Variants in PIAS1 observed in about 807,000 individuals in gnomAD.
PIAS1 encodes protein inhibitor of activated STAT 1.
PIAS1 carries 6 observed loss-of-function variants against 71.3 expected under a neutral mutation model. The observed-to-expected ratio is 0.08, with a 90% CI of 0.05 to 0.17. PIAS1 has a LOEUF of 0.17. PIAS1 is among the 10% of genes least tolerant of loss of function. The probability of loss-of-function intolerance (pLI) is 1.00; values close to 1 mark genes in which losing one functional copy is unlikely to be tolerated. For missense variants in PIAS1, 555 were observed against 793.6 expected (o/e 0.70, Z 3.61); for synonymous variants, 303 against 292.9 (o/e 1.03, Z -0.35).
At chr15:68,183,879 A>G (rs1004701496) in intron 13 of PIAS1, among the ~76,000 whole-genome samples, 2 of 152,166 alleles carry the variant, frequency 1.3e-5, no homozygotes, top group Non-Finnish European at 2.9e-5. Flanking sequence ...GAACAAACCT[A>G]TGCTGTCAGT....
chr15:68,063,602 GTA>G (rs2091984420), intron 1 of PIAS1, among the ~76,000 whole-genome samples: 1 of 152,172 alleles, frequency 6.6e-6, no homozygotes, highest in East Asian at 1.9e-4. Context: ...ACATATGTGT[GTA>G]TATTTATTTA....
chr15:68,077,266 T>C (rs2092176847), intron 1 of PIAS1, among the ~76,000 whole-genome samples: 1 of 152,156 alleles, frequency 6.6e-6, no homozygotes. Context: ...AAAAATACCA[T>C]GTTCATATTA....
intron 1 of PIAS1, among the ~76,000 whole-genome samples, chr15:68,084,065 T>C (rs1255277169): frequency 6.6e-6 from 1 of 152,134 alleles, no homozygotes; most frequent in Non-Finnish European, 1.5e-5. Context: ...ATGAGAAATG[T>C]CAACATATTC....
At chr15:68,092,150 A>G (rs902058059) in intron 2 of PIAS1, among the ~76,000 whole-genome samples, 7 of 152,030 alleles carry the variant, frequency 4.6e-5, no homozygotes, top group Admixed American at 4.6e-4. Context: ...AGGCATAATA[A>G]TTATTGACTA....
chr15:68,151,939 A>ATTTTTT (rs1201017658), intron 6 of PIAS1, among the ~76,000 whole-genome samples: 1,347 of 68,146 alleles, frequency 0.02, 113 homozygotes, highest in Middle Eastern at 0.058. Flanking sequence ...AAATTTAGGA[A>ATTTTTT]TTTTTTTTTT....
At chr15:68,093,942 G>A (rs932992888) in intron 2 of PIAS1, among the ~76,000 whole-genome samples, 1 of 152,066 alleles carries the variant, frequency 6.6e-6, no homozygotes, top group African/African-American at 2.4e-5. Flanking sequence ...GTGTTTGGAC[G>A]CTACAGACTG....
rs544974413 is a variant in PIAS1 at position 68,189,273 on chromosome 15, A to T, written c.*1438A>T. On this transcript the variant is annotated 3_prime_UTR_variant, in exon 14 of 14. Transcript: ENST00000249636. Reference sequence around the variant, plus strand: ...TTCCAAAATCCTCATCAGAGAAGGTATGATGTTCTCAGGTGTGGAAAATAT... The same window carrying T: ...TTCCAAAATCCTCATCAGAGAAGGTTTGATGTTCTCAGGTGTGGAAAATAT... 6.6e-6 allele frequency: 1 copy of T among 152,356 alleles called. No individual in the cohort carries two copies. Among genetic ancestry groups the T allele is most frequent in the South Asian group, 2.1e-4 (1 of 4,826 alleles). 9.4% of individuals were successfully genotyped at this position (152,356 alleles called of 1,614,324 possible). A position where few individuals can be genotyped will look rare whatever the true frequency, so the allele number is the denominator to read the frequency against.
chr15:68,106,324 C>T (rs1354289586), intron 2 of PIAS1, among the ~76,000 whole-genome samples: 1 of 128,210 alleles, frequency 7.8e-6, no homozygotes, highest in Non-Finnish European at 1.6e-5. Flanking sequence ...ACACCTGTCT[C>T]TGTGCTCATG....
chr15:68,153,475 CA>C, intron 6 of PIAS1, 114 bp from the exon 7 acceptor site: 1 of 594,390 alleles, frequency 1.7e-6, no homozygotes. Context: ...GACTGCTTGA[CA>C]CACAGTAGGT....
intron 8 of PIAS1, among the ~76,000 whole-genome samples, chr15:68,172,932 A>G (rs1305950622): frequency 1.3e-5 from 2 of 152,158 alleles, no homozygotes; most frequent in Non-Finnish European, 2.9e-5. Context: ...ATTGCTCGTG[A>G]TGGTTCCCAG....
intron 1 of PIAS1, among the ~76,000 whole-genome samples, chr15:68,065,020 G>T (rs1017874614): frequency 3.1e-4 from 47 of 152,050 alleles, no homozygotes; most frequent in African/African-American, 1.1e-3. Flanking sequence ...TTAGGATTAC[G>T]GCGTGAGACA....
intron 2 of PIAS1, among the ~76,000 whole-genome samples, chr15:68,132,589 G>A (rs909423329): frequency 7.2e-5 from 11 of 152,110 alleles, no homozygotes; most frequent in Non-Finnish European, 1.3e-4. Flanking sequence ...AATAAGACAT[G>A]AATTAGAACT....
At chr15:68,099,364 T>C (rs1453821595) in intron 2 of PIAS1, among the ~76,000 whole-genome samples, 2 of 151,746 alleles carry the variant, frequency 1.3e-5, no homozygotes, top group African/African-American at 4.8e-5. Context: ...TAGCACTTTG[T>C]GATATAAGTT....
intron 1 of PIAS1, among the ~76,000 whole-genome samples, chr15:68,072,230 C>G (rs2092105200): frequency 6.6e-6 from 1 of 151,068 alleles, no homozygotes; most frequent in Non-Finnish European, 1.5e-5. Context: ...AACCCCGTCT[C>G]TACTAAAAAT....
At chr15:68,087,859 C>T (rs1380340198) in intron 2 of PIAS1, 2 of 353,506 alleles carry the variant, frequency 5.7e-6, no homozygotes, top group South Asian at 4.2e-5. Context: ...TATCTGAATA[C>T]ACGAAGATTA....
At chr15:68,164,580 G>A (rs1327188205) in intron 7 of PIAS1, 151 bp from the exon 8 acceptor site, 2 of 477,936 alleles carry the variant, frequency 4.2e-6, no homozygotes, top group Non-Finnish European at 7.5e-6. Context: ...AGAATTAAAA[G>A]CCATATGGTT....
intron 8 of PIAS1, among the ~76,000 whole-genome samples, chr15:68,166,168 G>A (rs2141080071): frequency 6.6e-6 from 1 of 151,974 alleles, no homozygotes; most frequent in South Asian, 2.1e-4. Context: ...TTCTATTCCT[G>A]TAACGTTTAT....
chr15:68,121,204 C>A (rs888342534), intron 2 of PIAS1, among the ~76,000 whole-genome samples: 1 of 150,738 alleles, frequency 6.6e-6, no homozygotes, highest in African/African-American at 2.4e-5. Context: ...TTTTATTTTA[C>A]CTTTGTTTTT....
intron 2 of PIAS1, chr15:68,087,705 A>G: frequency 8.7e-6 from 2 of 230,634 alleles, no homozygotes; most frequent in Middle Eastern, 6.5e-4. Flanking sequence ...AATCCCTGTT[A>G]CAGATCATTG....
Sources: gnomAD v4.1 joint callset for allele counts (sites outside exome capture counted in the v4.1 genomes callset) on GRCh38, gnomAD v4.1.1 for gene constraint, MANE v1.5 for transcripts, NCBI Gene and HGNC (gene_info 2026-07-23, HGNC 2026-07-21) for gene names.